The following SZT2 variants were observed in gnomAD, a reference collection of about 807,000 sequenced individuals.
The protein encoded by SZT2 is SZT2 subunit of KICSTOR complex.
A neutral mutation model predicts 404.2 loss-of-function variants in SZT2; 216 were observed. The observed-to-expected ratio is 0.53, with a 90% CI of 0.48 to 0.60. The LOEUF is 0.60. SZT2 is among the 20% of genes least tolerant of loss of function. The pLI is 0.00. For missense variants in SZT2, 3,857 were observed against 4,459.2 expected (o/e 0.86, Z 3.85); for synonymous variants, 1,693 against 1,749.9 (o/e 0.97, Z 0.81).
rs839754 is a variant in SZT2, at chr1:43,390,239, C to T, written c.27+244C>T. On this transcript the variant is annotated intron_variant, in intron 1 of 71. Coordinates refer to ENST00000634258, the MANE Select transcript of SZT2 (RefSeq NM_001365999.1). The stretch of plus-strand genomic sequence containing the variant: ...CTTTGTTTTGTTTACTGACATGTCA[C>T]CCGCGTCGTCGTCTCTAAGACTTAT... Among the ~76,000 whole-genome samples, 49,852 of 152,164 alleles carry T rather than the reference C, an allele frequency of 0.33. 8,508 individuals carry two copies. The highest frequency in any genetic ancestry group is 0.42 in the Middle Eastern group (123 of 294).
At chr1:43,446,132 C>T (rs766201422) in intron 63 of SZT2, 47 bp from the exon 64 acceptor site, 7 of 1,608,736 alleles carry the variant, frequency 4.4e-6, no homozygotes, top group Admixed American at 3.3e-5. Flanking sequence ...CCTACTGATT[C>T]GAGGCTGGTG....
Position 43,447,179 on chromosome 1 carries a change from A to G in SZT2, c.9286+11A>G. ...ATCACATTTACCAAGGTCAGTGCCC[A>G]AGGGCAAGCCAGTGAACCCAAAAAA... is the stretch of plus-strand genomic sequence containing the variant. On this transcript the variant is annotated intron_variant, in intron 66 of 71. Transcript: ENST00000634258. 1 of 1,605,924 alleles carries G rather than the reference A, an allele frequency of 6.2e-7. No individual in the cohort carries two copies. Among genetic ancestry groups the G allele is most frequent in the Non-Finnish European group, 8.5e-7 (1 of 1,177,542 alleles).
In SZT2 at chr1:43,445,999, A is replaced by C. The variant is rs775511686; in HGVS notation, c.8916+15A>C. On this transcript the variant is annotated intron_variant, in intron 63 of 71. Coordinates refer to ENST00000634258, the MANE Select transcript of SZT2 (RefSeq NM_001365999.1). ...GGAGCCCCAAGGTAACTTGTCATAT[A>C]ATGGTAAAGTTACTGATGCTAAATT... 1.9e-5 allele frequency: 30 copies of C among 1,613,172 alleles called. No homozygotes were observed. The highest frequency in any genetic ancestry group is 8.3e-5 in the Admixed American group (5 of 59,946).
Position 43,439,570 on chromosome 1 carries a change from C to G in SZT2, c.6878-35C>G, listed in dbSNP as rs1654841473. Reference sequence around the variant, plus strand: ...GTCGTGGGAGGGGTGGTCTGCAAGTCCCAGAGCTGAGCCTTCCTATGGATT... The same window carrying G: ...GTCGTGGGAGGGGTGGTCTGCAAGTGCCAGAGCTGAGCCTTCCTATGGATT... On this transcript the variant is annotated intron_variant, in intron 49 of 71. Transcript: ENST00000634258. This position sits in a 1 kb window ranked among gnomAD's most constrained non-coding sequence, Gnocchi z 4.2. The G allele has an allele frequency of 1.2e-6, 2 of 1,612,684 alleles. No individual in the cohort carries two copies. The highest frequency in any genetic ancestry group is 2.7e-5 in the African/African-American group (2 of 74,916).
At chr1:43,394,350 AG>A (rs1270491865) in intron 1 of SZT2, among the ~76,000 whole-genome samples, 1 of 151,714 alleles carries the variant, frequency 6.6e-6, no homozygotes, top group Non-Finnish European at 1.5e-5. Context: ...CTGGGACTAC[AG>A]GTGTGAGCCA....
chr1:43,403,319 C>T lies in SZT2; in HGVS notation c.153+17C>T, dbSNP rs773931745. On this transcript the variant is annotated intron_variant, in intron 2 of 71. Transcript: ENST00000634258. ...GAGATGCTGGTGAGGCTTAGACACA[C>T]GAAAGGTGTGAGGGGCCAGCCCAGA... 8.7e-6 allele frequency: 14 copies of T among 1,609,196 alleles called. No homozygotes were observed. The highest frequency in any genetic ancestry group is 1.7e-5 in the Admixed American group (1 of 59,198).
Position 43,448,822 on chromosome 1 carries a change from C to A in SZT2, c.10086+94C>A. On this transcript the variant is annotated intron_variant, in intron 70 of 71. Coordinates refer to ENST00000634258, the MANE Select transcript of SZT2 (RefSeq NM_001365999.1). The surrounding 1 kb of genome is among the most constrained non-coding windows in gnomAD (Gnocchi z 4.2). ...TCAGCCTGACCAAACAAGCTCTGCT[C>A]TGGAGGGAGGCCTAGACAGAACGGG... The A allele has an allele frequency of 1.7e-6, 2 of 1,205,676 alleles. No individual in the cohort carries two copies. Among genetic ancestry groups the A allele is most frequent in the Non-Finnish European group, 1.2e-6 (1 of 812,394 alleles). 74.7% of individuals were successfully genotyped at this position (1,205,676 alleles called of 1,614,324 possible). A position where few individuals can be genotyped will look rare whatever the true frequency, so the allele number is the denominator to read the frequency against.
At chr1:43,412,278 A>G (rs1291864462) in intron 4 of SZT2, 1 of 152,230 alleles carries the variant, frequency 6.6e-6, no homozygotes, top group Non-Finnish European at 1.5e-5. Context: ...AGCTTCACCC[A>G]CGCTCTGCAT....
In SZT2 at chr1:43,423,315, A is replaced by G; in HGVS notation, c.2254A>G (p.Arg752Gly). ...TAAGCCACTGGACAAACTGCTCATC[A>G]GGTTGGTACAGAGGTGTGGAAGGGC... The part of the protein sequence containing the change: ...LHKPLDKLLI[R>G]YEKLPLDYRA... Residue 752 changes from arginine (R) to glycine (G), a missense_variant and splice_region_variant, in exon 15 of 72, where the codon AGG becomes GGG. By Grantham distance (125) the Arg-to-Gly change is moderately radical. This residue lies in a region of SZT2 where 1,725 missense variants were observed against 1,881.0 expected (regional missense o/e 0.92). Transcript: ENST00000634258. The G allele has an allele frequency of 6.5e-7, 1 of 1,536,058 alleles. No homozygotes were observed. The highest frequency in any genetic ancestry group is 1.3e-5 in the South Asian group (1 of 79,832).
intron 28 of SZT2, 125 bp downstream of exon 28, chr1:43,428,611 T>G: frequency 7.3e-7 from 1 of 1,373,532 alleles, no homozygotes; most frequent in Non-Finnish European, 9.7e-7. Flanking sequence ...GCAGTAGTGC[T>G]TTGTCGCCGG....
rs1051327530 is a variant in SZT2 at position 43,416,564 on chromosome 1, A to G, written c.802A>G (p.Ser268Gly). 3 of 1,598,342 alleles carry G rather than the reference A, an allele frequency of 1.9e-6. No individual in the cohort carries two copies. Among genetic ancestry groups the G allele is most frequent in the Non-Finnish European group, 2.5e-6 (3 of 1,179,782 alleles). ...TATCGTGATCACGGATGGGGTGACCAGTGTACCTGATGTTGCTGTCTGTGA... is the reference window on the plus strand; with the variant it reads ...TATCGTGATCACGGATGGGGTGACCGGTGTACCTGATGTTGCTGTCTGTGA... ...GIIVITDGVT[S>G]VPDVAVCETL... is the part of the protein sequence containing the mutation. Residue 268 changes from serine (S) to glycine (G), a missense_variant, in exon 7 of 72, where the codon AGT becomes GGT. By Grantham distance (56) the Ser-to-Gly change is moderately conservative. Around this residue, in one of 7 missense-constraint regions of SZT2, gnomAD observed 536 missense variants for 637.4 expected, o/e 0.84. Transcript: ENST00000634258.
chr1:43,451,311 C>T lies in SZT2; in HGVS notation c.*831C>T, dbSNP rs750597954. 1.2e-6 allele frequency: 2 copies of T among 1,613,868 alleles called. No individual in the cohort carries two copies. Among genetic ancestry groups the T allele is most frequent in the Non-Finnish European group, 8.5e-7 (1 of 1,180,012 alleles). On this transcript the variant is annotated 3_prime_UTR_variant, in exon 72 of 72. Coordinates refer to ENST00000634258, the MANE Select transcript of SZT2 (RefSeq NM_001365999.1). ...CCAACTCAAGCCCTCTACTGTGTCT[C>T]CTGCAGGGAGAGGGAGGCCTCGGCA...
chr1:43,423,632 G>A (rs868751289), intron 15 of SZT2, among the ~76,000 whole-genome samples: 5 of 149,526 alleles, frequency 3.3e-5, no homozygotes, highest in African/African-American at 9.9e-5. Flanking sequence ...GGCTTAGCCC[G>A]GTGTGAGTAG....
intron 70 of SZT2, 109 bp from the exon 71 acceptor site, chr1:43,449,994 G>A: frequency 7.7e-7 from 1 of 1,302,570 alleles, no homozygotes; most frequent in Non-Finnish European, 1.1e-6. Flanking sequence ...GGTGCAGGCG[G>A]GGTGAGGTGT....
chr1:43,430,119 C>T lies in SZT2; in HGVS notation c.4401+16C>T. The T allele has an allele frequency of 6.2e-7, 1 of 1,613,902 alleles. No individual in the cohort carries two copies. The highest frequency in any genetic ancestry group is 8.5e-7 in the Non-Finnish European group (1 of 1,179,836). ...CAGGCGAGAAGTGAGTGGCTCTCTTCCTTACCTCTCTCGTGCCCTCAACCC... is the reference window on the plus strand; with the variant it reads ...CAGGCGAGAAGTGAGTGGCTCTCTTTCTTACCTCTCTCGTGCCCTCAACCC... On this transcript the variant is annotated intron_variant, in intron 30 of 71. Transcript: ENST00000634258.
intron 4 of SZT2, chr1:43,412,161 G>C (rs991758439): frequency 8.5e-5 from 13 of 152,102 alleles, no homozygotes; most frequent in Non-Finnish European, 4.4e-5. Context: ...CCAAACCAAA[G>C]ACCTAACATA....
At position 43,441,996 on chromosome 1, in the gene SZT2, A is replaced by G. The variant is rs368440874; in HGVS notation, c.7743-4A>G. The G allele has an allele frequency of 4.0e-5, 65 of 1,610,740 alleles. No homozygotes were observed. The highest frequency in any genetic ancestry group is 4.8e-5 in the Non-Finnish European group (57 of 1,178,088). On this transcript the variant is annotated splice_region_variant and splice_polypyrimidine_tract_variant and intron_variant, in intron 55 of 71. Coordinates refer to ENST00000634258, the MANE Select transcript of SZT2 (RefSeq NM_001365999.1). This position sits in a 1 kb window ranked among gnomAD's most constrained non-coding sequence, Gnocchi z 4.8. ...GCCTTTCTGTCTGTCCTCCCTTTCA[A>G]TAGGGGTTCAGAGCCAGAGATCTTC...
chr1:43,436,786 C>G (rs1176268533), intron 42 of SZT2: 1 of 213,472 alleles, frequency 4.7e-6, no homozygotes, highest in African/African-American at 2.3e-5. Context: ...CAGCCATACC[C>G]TTTTGGTTTT....
chr1:43,431,296 C>CT lies in SZT2; in HGVS notation c.4948_4949insT (p.Arg1650LeufsTer13). On this transcript the variant is annotated frameshift_variant, in exon 34 of 72. Coordinates refer to ENST00000634258, the MANE Select transcript of SZT2 (RefSeq NM_001365999.1). LOFTEE classifies it high-confidence loss of function. Reference sequence around the variant, plus strand: ...ATCTGAAAGCAGTGCTTCATTTCCACGATCCCCAGGGCAGCCATCATCTTT... The same window carrying CT: ...ATCTGAAAGCAGTGCTTCATTTCCACTGATCCCCAGGGCAGCCATCATCTTT... 2 of 1,612,400 alleles carry CT rather than the reference C, an allele frequency of 1.2e-6. No individual in the cohort carries two copies. The highest frequency in any genetic ancestry group is 1.7e-6 in the Non-Finnish European group (2 of 1,179,106).
Sources: allele counts gnomAD v4.1 joint callset (sites outside exome capture counted in the v4.1 genomes callset), GRCh38; gene constraint gnomAD v4.1.1; regional missense constraint gnomAD v4.1.1; non-coding constraint Gnocchi (gnomAD v3.1); transcripts MANE v1.5; gene names NCBI Gene and HGNC (gene_info 2026-07-23, HGNC 2026-07-21).